Variants in CTNNA2 observed in about 807,000 individuals in gnomAD.
CTNNA2 encodes the protein catenin alpha-2.
A neutral mutation model predicts 101.0 loss-of-function variants in CTNNA2; 42 were observed. The ratio of observed to expected loss-of-function variants is 0.42; its 90% CI spans 0.32 to 0.54. CTNNA2 has a LOEUF of 0.54. Among genes scored for constraint, CTNNA2 ranks in the 20% least tolerant of loss-of-function variants. The pLI is 0.14. For synonymous variants in CTNNA2, 450 were observed against 456.4 expected, an observed-to-expected ratio of 0.99 and a Z score of 0.18; for missense variants, 871 against 1,223.1, an observed-to-expected ratio of 0.71 and a Z score of 4.29.
At chr2:80,463,524 T>C (rs1037418454) in intron 9 of CTNNA2, among the ~76,000 whole-genome samples, 4 of 152,200 alleles carry the variant, frequency 2.6e-5, no homozygotes, top group African/African-American at 9.6e-5. Flanking sequence ...GTTATTAGGA[T>C]GGATTTCCTT....
intron 3 of CTNNA2, among the ~76,000 whole-genome samples, chr2:79,750,729 G>C (rs1046940125): frequency 3.7e-4 from 56 of 152,108 alleles, no homozygotes; most frequent in African/African-American, 1.4e-3. Flanking sequence ...ACCACAACCA[G>C]GGGTTGTGGC....
chr2:80,136,815 G>T (rs907804483), intron 7 of CTNNA2, among the ~76,000 whole-genome samples: 6 of 152,124 alleles, frequency 3.9e-5, no homozygotes, highest in African/African-American at 1.4e-4. Flanking sequence ...AGGTAATAAA[G>T]TCTAGTGTAA....
At chr2:79,661,134 C>T (rs1682007426) in intron 2 of CTNNA2, among the ~76,000 whole-genome samples, 2 of 152,160 alleles carry the variant, frequency 1.3e-5, no homozygotes, top group Non-Finnish European at 2.9e-5. Context: ...TTCAGAACCA[C>T]CTACTGCAAA....
At chr2:79,320,696 G>A (rs912910945) in intron 3 of CTNNA2, among the ~76,000 whole-genome samples, 1 of 152,058 alleles carries the variant, frequency 6.6e-6, no homozygotes, top group African/African-American at 2.4e-5. Context: ...TTGCGCAGAG[G>A]AACTGTGAGC....
At chr2:79,933,113 G>T (rs1201469141) in intron 7 of CTNNA2, among the ~76,000 whole-genome samples, 1 of 152,030 alleles carries the variant, frequency 6.6e-6, no homozygotes, top group Non-Finnish European at 1.5e-5. Flanking sequence ...ATGCTTTATA[G>T]GGTTTTTGTT....
intron 7 of CTNNA2, among the ~76,000 whole-genome samples, chr2:80,366,489 G>A (rs889649508): frequency 6.6e-6 from 1 of 152,056 alleles, no homozygotes; most frequent in African/African-American, 2.4e-5. Context: ...AACTTTTTTA[G>A]GGGCAAATTC....
At chr2:79,278,526 A>AT (rs1675276319) in intron 2 of CTNNA2, among the ~76,000 whole-genome samples, 1 of 151,732 alleles carries the variant, frequency 6.6e-6, no homozygotes, top group Non-Finnish European at 1.5e-5. Context: ...CCCACGAAAA[A>AT]AAAATGTAAT....
At chr2:80,572,258 T>C (rs1694664421) in intron 12 of CTNNA2, among the ~76,000 whole-genome samples, 1 of 152,250 alleles carries the variant, frequency 6.6e-6, no homozygotes, top group African/African-American at 2.4e-5. Flanking sequence ...GGGTGAAGTC[T>C]TACTGTGTAT....
intron 4 of CTNNA2, among the ~76,000 whole-genome samples, chr2:79,495,100 C>G (rs1351159416): frequency 1.3e-5 from 2 of 152,142 alleles, no homozygotes; most frequent in East Asian, 3.9e-4. Context: ...AAAACTCCGT[C>G]TCGAAACAAA....
chr2:80,616,417 G>C (rs1573466101), intron 17 of CTNNA2: 1 of 151,612 alleles, frequency 6.6e-6, no homozygotes, highest in Non-Finnish European at 1.5e-5. Context: ...AAAAATGCCT[G>C]ACCTTGTCTT....
intron 7 of CTNNA2, among the ~76,000 whole-genome samples, chr2:79,964,874 C>T (rs1213093869): frequency 6.6e-6 from 1 of 152,048 alleles, no homozygotes; most frequent in Non-Finnish European, 1.5e-5. Flanking sequence ...TCCCCTTTTT[C>T]CAGTTTCTCT....
chr2:80,541,747 C>T (rs921509963), intron 9 of CTNNA2, among the ~76,000 whole-genome samples: 15 of 151,506 alleles, frequency 9.9e-5, no homozygotes, highest in African/African-American at 2.9e-4. Context: ...AGGTAGGTAC[C>T]CTCTACTGTC....
In CTNNA2 at chr2:80,008,286, C is replaced by T. The variant is rs578188827; in HGVS notation, c.1056+98489C>T. 2.6e-5 allele frequency among the ~76,000 whole-genome samples: 4 copies of T among 152,306 alleles called. No individual in the cohort carries two copies. In the South Asian group the frequency reaches 8.3e-4, roughly 32 times the overall value. On this transcript the variant is annotated intron_variant, in intron 7 of 18. Coordinates refer to ENST00000402739, the MANE Select transcript of CTNNA2 (RefSeq NM_001282597.3). ...TTGTTATTTATGTTTCCTTATCGCT[C>T]CCGCAGTCACCCCACTGTGCTCTTA...
intron 2 of CTNNA2, among the ~76,000 whole-genome samples, chr2:79,712,779 G>A (rs1358711312): frequency 6.6e-6 from 1 of 152,032 alleles, no homozygotes; most frequent in African/African-American, 2.4e-5. Flanking sequence ...TCTACTATTG[G>A]CATGTATAAT....
At chr2:79,789,290 A>G (rs1475548426) in intron 3 of CTNNA2, among the ~76,000 whole-genome samples, 2 of 152,140 alleles carry the variant, frequency 1.3e-5, no homozygotes, top group Non-Finnish European at 2.9e-5. Flanking sequence ...ATAACATTGG[A>G]AAAAGCTGAG....
At chr2:79,888,207 A>T (rs937175592) in intron 6 of CTNNA2, among the ~76,000 whole-genome samples, 1 of 152,156 alleles carries the variant, frequency 6.6e-6, no homozygotes, top group Non-Finnish European at 1.5e-5. Context: ...TTATAGGAAG[A>T]GGAGTGCAAG....
chr2:79,363,078 T>G (rs188307232), intron 3 of CTNNA2, among the ~76,000 whole-genome samples: 1 of 152,356 alleles, frequency 6.6e-6, no homozygotes, highest in South Asian at 2.1e-4. Context: ...TGTGTTAACT[T>G]ACTTCAGGCT....
chr2:79,357,393 A>G (rs1677530794), intron 3 of CTNNA2, among the ~76,000 whole-genome samples: 1 of 152,178 alleles, frequency 6.6e-6, no homozygotes, highest in Admixed American at 6.5e-5. Flanking sequence ...AAATACAGTT[A>G]TTAAACTGGA....
In CTNNA2 at chr2:79,337,967, C is replaced by T. The variant is rs184482363; in HGVS notation, c.-318+25171C>T. 2.4e-3 allele frequency among the ~76,000 whole-genome samples: 367 copies of T among 151,866 alleles called. 4 individuals carry two copies. Among genetic ancestry groups the T allele is most frequent in the African/African-American group, 8.4e-3 (348 of 41,432 alleles). On this transcript the variant is annotated intron_variant, in intron 3 of 21. Transcript: ENST00000466387. The stretch of plus-strand genomic sequence containing the variant: ...GGAGTAAAACATTGGTAGTCAGGGC[C>T]GGGCATGGTGGCTCATGCTTGTAAA...
Sources: allele counts gnomAD v4.1 joint callset (sites outside exome capture counted in the v4.1 genomes callset), GRCh38; gene constraint gnomAD v4.1.1; transcripts MANE v1.5; gene names NCBI Gene and HGNC (gene_info 2026-07-23, HGNC 2026-07-21).